The following TRIM16 variants were observed in gnomAD, a reference collection of about 807,000 sequenced individuals.
The protein encoded by TRIM16 is tripartite motif-containing protein 16.
Under a neutral mutation model 50.4 loss-of-function variants are expected in TRIM16, and 33 were observed. The observed-to-expected ratio is 0.65, with a 90% confidence interval of 0.50 to 0.88. The LOEUF (loss-of-function observed/expected upper bound fraction) is 0.88. TRIM16 is among the 40% of genes least tolerant of loss of function. TRIM16 has a pLI of 0.00. For missense variants in TRIM16, 581 were observed against 686.8 expected (o/e 0.85, Z 1.72); for synonymous variants, 229 against 270.7 (o/e 0.85, Z 1.51).
intron 6 of TRIM16, among the ~76,000 whole-genome samples, chr17:15,664,620 G>A (rs1311742810): frequency 6.6e-6 from 1 of 152,192 alleles, no homozygotes; most frequent in African/African-American, 2.4e-5. Flanking sequence ...CAACTCTAGC[G>A]TCTCAGAGCT....
chr17:15,660,692 A>AT (rs1354150937), intron 6 of TRIM16, among the ~76,000 whole-genome samples: 5 of 152,148 alleles, frequency 3.3e-5, no homozygotes, highest in Admixed American at 3.3e-4. Context: ...AGGTCAGGAG[A>AT]TTGAGAACAA....
intron 11 of TRIM16, among the ~76,000 whole-genome samples, chr17:15,631,245 A>G (rs994044899): frequency 6.6e-6 from 1 of 152,230 alleles, no homozygotes; most frequent in Non-Finnish European, 1.5e-5. Context: ...TTGGGCCAGA[A>G]AAAAAGGGCA....
chr17:15,676,840 T>C (rs1016603024), intron 6 of TRIM16, among the ~76,000 whole-genome samples: 1 of 152,202 alleles, frequency 6.6e-6, no homozygotes, highest in Admixed American at 6.5e-5. Flanking sequence ...CTTCTCTTCA[T>C]ATTTCTTATA....
At chr17:15,638,255 A>AT (rs766428163) in intron 8 of TRIM16, among the ~76,000 whole-genome samples, 2 of 131,444 alleles carry the variant, frequency 1.5e-5, no homozygotes, top group Admixed American at 1.4e-4. Flanking sequence ...AAAAAAATAA[A>AT]TTTAAAAAAA....
At chr17:15,682,621 T>C (rs9903581) in intron 3 of TRIM16, among the ~76,000 whole-genome samples, 3,958 of 152,336 alleles carry the variant, frequency 0.026, 177 homozygotes, top group African/African-American at 0.091. Context: ...CCTGAGCTCA[T>C]AGAGGTTCAA....
At chr17:15,677,539 G>A (rs1344444112) in intron 5 of TRIM16, 36 bp downstream of exon 5, 1 of 1,039,616 alleles carries the variant, frequency 9.6e-7, no homozygotes, top group East Asian at 8.0e-5. Context: ...AAGGTATCCT[G>A]AAAGGTCAAT....
At position 15,657,473 on chromosome 17, in the gene TRIM16, C is replaced by T. The variant is rs146980177; in HGVS notation, c.-337-5527G>A. Reference sequence around the variant, plus strand: ...TCACACTGTTGTGCAGTTGTCACCACCATCTATCTCCACAACTCTTTTCAT... The same window carrying T: ...TCACACTGTTGTGCAGTTGTCACCATCATCTATCTCCACAACTCTTTTCAT... On this transcript the variant is annotated intron_variant, in intron 6 of 11. Coordinates refer to ENST00000649191, the MANE Select transcript of TRIM16 (RefSeq NM_001348119.1). Among the ~76,000 whole-genome samples, 791 of 152,228 alleles carry T rather than the reference C, an allele frequency of 5.2e-3. 8 individuals carry two copies. The highest frequency in any genetic ancestry group is 0.018 in the African/African-American group (744 of 41,520).
At chr17:15,669,476 C>T (rs1218261764) in intron 6 of TRIM16, among the ~76,000 whole-genome samples, 1 of 152,170 alleles carries the variant, frequency 6.6e-6, no homozygotes, top group Non-Finnish European at 1.5e-5. Flanking sequence ...CATACATATA[C>T]ACGCACAAGC....
chr17:15,677,848 C>T, intron 4 of TRIM16, 127 bp from the exon 5 acceptor site: 4 of 803,434 alleles, frequency 5.0e-6, no homozygotes, highest in Non-Finnish European at 6.0e-6. Flanking sequence ...ATCTTAAAAT[C>T]TTAAAATGTG....
rs954049142 is a variant in TRIM16 at position 15,651,837 on chromosome 17, C to CGGCTCA, written c.-234_-229dup. The CGGCTCA allele has an allele frequency of 1.1e-4, 161 of 1,429,548 alleles. No homozygotes were observed. In the African/African-American group the frequency reaches 2.1e-3, roughly 19 times the overall value. 88.6% of individuals were successfully genotyped at this position (1,429,548 alleles called of 1,614,324 possible). ...CTAGAGTACTCAGGCTCAGGACAGC[C>CGGCTCA]GGCTCAGGCTCAGGCTGCCTCCCCA... On this transcript the variant is annotated 5_prime_UTR_variant, in exon 7 of 12. Transcript: ENST00000649191.
chr17:15,656,966 A>C (rs72819882), intron 6 of TRIM16, among the ~76,000 whole-genome samples: 17,668 of 151,746 alleles, frequency 0.12, 1,846 homozygotes, highest in African/African-American at 0.28. Context: ...GGGTCTCACT[A>C]TGTTGCCCAG....
intron 6 of TRIM16, among the ~76,000 whole-genome samples, chr17:15,670,859 T>C (rs1988699017): frequency 6.6e-6 from 1 of 152,282 alleles, no homozygotes; most frequent in Non-Finnish European, 1.5e-5. Context: ...TCTAGGGTTT[T>C]GTTTTTGTCA....
rs189788088 is a variant in TRIM16 at position 15,676,765 on chromosome 17, C to T, written c.-338+411G>A. On this transcript the variant is annotated intron_variant, in intron 6 of 11. Transcript: ENST00000649191. ...CTGAGAATTTTCTTTGTTACTCCCT[C>T]ACCTCTCAAATCTACACAACAAATT... Among the ~76,000 whole-genome samples the T allele has an allele frequency of 3.0e-3, 454 of 151,518 alleles. 4 individuals carry two copies. Among genetic ancestry groups the T allele is most frequent in the African/African-American group, 0.01 (426 of 41,236 alleles).
At chr17:15,637,520 G>A (rs1986865904) in intron 8 of TRIM16, among the ~76,000 whole-genome samples, 1 of 140,750 alleles carries the variant, frequency 7.1e-6, no homozygotes, top group African/African-American at 2.6e-5. Flanking sequence ...CCGGGAGGGA[G>A]GTGGGGGGGT....
intron 6 of TRIM16, among the ~76,000 whole-genome samples, chr17:15,667,332 C>G (rs920870666): frequency 6.6e-6 from 1 of 152,060 alleles, no homozygotes; most frequent in African/African-American, 2.4e-5. Flanking sequence ...TCCACACACT[C>G]AAAAATTGAA....
chr17:15,672,735 A>G (rs1988777224), intron 6 of TRIM16, among the ~76,000 whole-genome samples: 1 of 152,122 alleles, frequency 6.6e-6, no homozygotes, highest in South Asian at 2.1e-4. Context: ...CCTGTCTCAA[A>G]CAAACAAACA....
chr17:15,642,225 G>A (rs1192887573), intron 8 of TRIM16, among the ~76,000 whole-genome samples: 2 of 148,922 alleles, frequency 1.3e-5, no homozygotes, highest in Non-Finnish European at 3.0e-5. Context: ...AATCCACTTG[G>A]AGACCATTTA....
intron 6 of TRIM16, among the ~76,000 whole-genome samples, chr17:15,665,636 T>C (rs1208047239): frequency 6.6e-6 from 1 of 152,108 alleles, no homozygotes; most frequent in East Asian, 1.9e-4. Context: ...TGGCCATTAC[T>C]TTTCAGTCCA....
At chr17:15,667,608 T>A (rs1227749294) in intron 6 of TRIM16, among the ~76,000 whole-genome samples, 1 of 152,236 alleles carries the variant, frequency 6.6e-6, no homozygotes, top group East Asian at 1.9e-4. Context: ...TCTTCCTATA[T>A]GTTTTGGTTG....
Sources: allele counts gnomAD v4.1 joint callset (sites outside exome capture counted in the v4.1 genomes callset), GRCh38; gene constraint gnomAD v4.1.1; transcripts MANE v1.5; gene names NCBI Gene and HGNC (gene_info 2026-07-23, HGNC 2026-07-21).